EXD3: variants seen among roughly 807,000 people sequenced by gnomAD.
EXD3 encodes exonuclease mut-7 homolog.
A neutral mutation model predicts 98.0 loss-of-function variants in EXD3; 92 were observed. The observed-to-expected ratio is 0.94, with a 90% CI of 0.79 to 1.12. The LOEUF is 1.12. Ranked by LOEUF, EXD3 falls within the 50% of genes most tolerant of loss-of-function variation. The probability of loss-of-function intolerance (pLI) is 0.00; values close to 1 mark genes in which losing one functional copy is unlikely to be tolerated. For missense variants in EXD3, 1,222 were observed against 1,191.6 expected (o/e 1.03, Z -0.38); for synonymous variants, 569 against 526.0 (o/e 1.08, Z -1.12).
At chr9:137,375,501 C>CT (rs954058214) in intron 3 of EXD3, among the ~76,000 whole-genome samples, 1 of 152,056 alleles carries the variant, frequency 6.6e-6, no homozygotes, top group African/African-American at 2.4e-5. Context: ...AGTCCTAGCT[C>CT]TAGTGAGTTC....
intron 6 of EXD3, among the ~76,000 whole-genome samples, chr9:137,367,408 C>T (rs932480440): frequency 2.0e-5 from 3 of 152,188 alleles, no homozygotes; most frequent in African/African-American, 7.2e-5. Context: ...GGGGTGCTCA[C>T]TCCCCCACCC....
chr9:137,418,677 T>C (rs541927502), intron 1 of EXD3, among the ~76,000 whole-genome samples: 1 of 152,160 alleles, frequency 6.6e-6, no homozygotes, highest in Non-Finnish European at 1.5e-5. Context: ...GTACGTGAGA[T>C]GTATAAGAAA....
intron 3 of EXD3, chr9:137,374,683 A>G: frequency 1.0e-6 from 1 of 985,586 alleles, no homozygotes; most frequent in Non-Finnish European, 1.2e-6. Flanking sequence ...GCAAGGCTGC[A>G]AAGTCCAGAC....
chr9:137,318,991 G>A (rs547646881), intron 19 of EXD3, among the ~76,000 whole-genome samples: 1 of 152,360 alleles, frequency 6.6e-6, no homozygotes, highest in African/African-American at 2.4e-5. Flanking sequence ...TTTCCCTCCG[G>A]GAACGGCACC....
chr9:137,401,934 G>GA (rs1251987211), intron 1 of EXD3, among the ~76,000 whole-genome samples: 1 of 152,146 alleles, frequency 6.6e-6, no homozygotes, highest in Non-Finnish European at 1.5e-5. Flanking sequence ...AATTTCTCCT[G>GA]AAAAAATTGG....
chr9:137,419,970 T>TA (rs2131849339), intron 1 of EXD3, among the ~76,000 whole-genome samples: 1 of 152,070 alleles, frequency 6.6e-6, no homozygotes, highest in Non-Finnish European at 1.5e-5. Context: ...CCATCCTGGC[T>TA]AATACGGTGA....
intron 17 of EXD3, among the ~76,000 whole-genome samples, chr9:137,337,671 C>T (rs956416278): frequency 2.6e-5 from 4 of 151,178 alleles, no homozygotes; most frequent in Admixed American, 1.3e-4. Flanking sequence ...ATGTTTTGAA[C>T]GACACATTTG....
intron 7 of EXD3, among the ~76,000 whole-genome samples, chr9:137,362,382 C>A (rs1835032503): frequency 6.6e-6 from 1 of 152,128 alleles, no homozygotes; most frequent in Non-Finnish European, 1.5e-5. Flanking sequence ...GCAAATGCAT[C>A]ATACTAACTG....
intron 10 of EXD3, chr9:137,353,730 T>A: frequency 1.0e-6 from 1 of 985,558 alleles, no homozygotes; most frequent in Non-Finnish European, 1.2e-6. Context: ...CTGGAGTCCA[T>A]GGGTCCAGGA....
At chr9:137,330,611 GGACTACACAGGAACTACA>G (rs1564482406) in intron 17 of EXD3, among the ~76,000 whole-genome samples, 11 of 144,088 alleles carry the variant, frequency 7.6e-5, no homozygotes, top group South Asian at 2.3e-4. Flanking sequence ...GGACTACACA[GGACTACACAGGAACTACA>G]CAGGACTACA....
At chr9:137,372,653 C>G (rs541346679) in intron 5 of EXD3, among the ~76,000 whole-genome samples, 1 of 152,192 alleles carries the variant, frequency 6.6e-6, no homozygotes, top group Non-Finnish European at 1.5e-5. Context: ...GACACAGGGT[C>G]GGCAGGGGGA....
chr9:137,354,815 C>T, intron 8 of EXD3, 42 bp from the exon 9 acceptor site: 1 of 1,576,966 alleles, frequency 6.3e-7, no homozygotes, highest in East Asian at 2.3e-5. Context: ...CTCAGGGCAG[C>T]CTCACCACGG....
At chr9:137,417,770 C>T (rs1838307547) in intron 1 of EXD3, among the ~76,000 whole-genome samples, 1 of 152,148 alleles carries the variant, frequency 6.6e-6, no homozygotes, top group Non-Finnish European at 1.5e-5. Context: ...CTGCGCTGGG[C>T]CCTTCCCGCC....
intron 21 of EXD3, 79 bp downstream of exon 21, chr9:137,307,529 G>T: frequency 1.3e-6 from 2 of 1,550,832 alleles, no homozygotes. Context: ...CGGGACCCAA[G>T]TCCCCCATTC....
chr9:137,310,185 G>A (rs1831286961), intron 19 of EXD3, among the ~76,000 whole-genome samples: 1 of 152,246 alleles, frequency 6.6e-6, no homozygotes, highest in African/African-American at 2.4e-5. Flanking sequence ...AAGTGGCGAG[G>A]GGGCTGGAGC....
Position 137,354,345 on chromosome 9 carries a change from A to C in EXD3, c.864T>G (p.His288Gln), listed in dbSNP as rs369604994. Reference protein sequence around the residue: ...KSLSQENWTDHVQGLVGQSPW... With the variant: ...KSLSQENWTDQVQGLVGQSPW... ...GGCAAGGGCACGAACTCACCTGCAC[A>C]TGGTCGGTCCAGTTCTCCTGTGACA... Residue 288 changes from histidine (H) to glutamine (Q), a missense_variant, in exon 10 of 22, where the codon CAT becomes CAG. His to Gln is a conservative substitution (Grantham distance 24, BLOSUM62 0). Transcript: ENST00000340951. 2.0e-5 allele frequency: 33 copies of C among 1,612,222 alleles called. No individual in the cohort carries two copies. The highest frequency in any genetic ancestry group is 4.2e-6 in the Non-Finnish European group (5 of 1,179,714).
intron 19 of EXD3, among the ~76,000 whole-genome samples, chr9:137,318,360 C>G (rs546816071): frequency 6.6e-6 from 1 of 152,064 alleles, no homozygotes; most frequent in Non-Finnish European, 1.5e-5. Flanking sequence ...CAGCTCTGCC[C>G]GGGAGCCCTC....
At chr9:137,414,378 C>A (rs1173146918) in intron 1 of EXD3, among the ~76,000 whole-genome samples, 2 of 152,216 alleles carry the variant, frequency 1.3e-5, no homozygotes, top group African/African-American at 4.8e-5. Flanking sequence ...CGGGCCGCAC[C>A]CCCTTGTCTG....
At chr9:137,420,194 A>G (rs1418659331) in intron 1 of EXD3, among the ~76,000 whole-genome samples, 1 of 152,114 alleles carries the variant, frequency 6.6e-6, no homozygotes, top group Non-Finnish European at 1.5e-5. Flanking sequence ...CAAATTACAT[A>G]GAACTGAACT....
Sources: gnomAD v4.1 joint callset for allele counts (sites outside exome capture counted in the v4.1 genomes callset) on GRCh38, gnomAD v4.1.1 for gene constraint, MANE v1.5 for transcripts, NCBI Gene and HGNC (gene_info 2026-07-23, HGNC 2026-07-21) for gene names.